GALNT13: variants seen among roughly 807,000 people sequenced by gnomAD.
The protein encoded by GALNT13 is UDP-GalNAc:polypeptide N-acetylgalactosaminyltransferase 13.
In GALNT13, 28 loss-of-function variants were observed where a neutral mutation model predicts 64.2. The ratio of observed to expected loss-of-function variants is 0.44; its 90% CI spans 0.32 to 0.60. The LOEUF (loss-of-function observed/expected upper bound fraction) is 0.60, where lower values mean the gene tolerates loss of function less well. Among genes scored for constraint, GALNT13 ranks in the 20% least tolerant of loss-of-function variants. The pLI is 0.05. For synonymous variants in GALNT13, 214 were observed against 224.6 expected, an observed-to-expected ratio of 0.95 and a Z score of 0.42; for missense variants, 577 against 669.8, an observed-to-expected ratio of 0.86 and a Z score of 1.53.
chr2:153,922,992 C>T (rs562885358), intron 2 of GALNT13, among the ~76,000 whole-genome samples: 3 of 152,066 alleles, frequency 2.0e-5, no homozygotes, highest in African/African-American at 4.8e-5. Context: ...CTCCGCCTCC[C>T]GGGTTCAAGC....
chr2:153,596,430 C>G, the GALNT13 span, among the ~76,000 whole-genome samples: 1 of 152,090 alleles, frequency 6.6e-6, no homozygotes, highest in East Asian at 1.9e-4. Flanking sequence ...AAAACACAAT[C>G]TATTACTCTT....
At chr2:154,305,565 T>A (rs986713598) in intron 9 of GALNT13, among the ~76,000 whole-genome samples, 1 of 152,244 alleles carries the variant, frequency 6.6e-6, no homozygotes, top group Non-Finnish European at 1.5e-5. Flanking sequence ...ACTTTTTACA[T>A]GTGGGCTTCT....
rs1013031201 is a variant in GALNT13 at position 154,363,004 on chromosome 2, C to T, written c.1157-32987C>T. On this transcript the variant is annotated intron_variant, in intron 9 of 12. Transcript: ENST00000392825. ...ACACAGCTTTTAAAGTTGCATTGTA[C>T]ACTGTTTTGCTTTCTCATTTACTTT... Among the ~76,000 whole-genome samples the T allele has an allele frequency of 5.5e-5, 6 of 108,524 alleles. No individual in the cohort carries two copies. In the Admixed American group the frequency reaches 5.6e-4, roughly 10 times the overall value. The allele number at this position is 108,524 out of a possible 152,430, so 71.2% of individuals were successfully genotyped here.
intron 9 of GALNT13, among the ~76,000 whole-genome samples, chr2:154,369,937 C>T (rs1330668948): frequency 2.6e-5 from 4 of 152,088 alleles, no homozygotes; most frequent in African/African-American, 7.2e-5. Flanking sequence ...TGAAAGATCA[C>T]CTTGGCTTTC....
intron 12 of GALNT13, among the ~76,000 whole-genome samples, chr2:154,448,078 C>G (rs1198155941): frequency 6.6e-6 from 1 of 152,024 alleles, no homozygotes; most frequent in Non-Finnish European, 1.5e-5. Context: ...TCAAAACCAT[C>G]CTGGCTTATT....
chr2:153,846,811 G>A, the GALNT13 span, among the ~76,000 whole-genome samples: 1 of 152,040 alleles, frequency 6.6e-6, no homozygotes, highest in Non-Finnish European at 1.5e-5. Context: ...GAAGACAATT[G>A]CATCTGCACC....
the GALNT13 span, among the ~76,000 whole-genome samples, chr2:153,133,100 C>T: frequency 1.4e-5 from 2 of 143,746 alleles, no homozygotes; most frequent in African/African-American, 5.2e-5. Flanking sequence ...TGTTTGGAAT[C>T]ACTGAAGGAT....
chr2:153,318,230 T>A, the GALNT13 span, among the ~76,000 whole-genome samples: 1 of 152,056 alleles, frequency 6.6e-6, no homozygotes, highest in African/African-American at 2.4e-5. Flanking sequence ...TGTTTTGGCT[T>A]GGAAATTCAG....
At chr2:153,772,396 T>C in the GALNT13 span, among the ~76,000 whole-genome samples, 1 of 152,184 alleles carries the variant, frequency 6.6e-6, no homozygotes, top group Non-Finnish European at 1.5e-5. Flanking sequence ...CTGGGTTGCA[T>C]GGAACCCTAG....
Position 153,929,674 on chromosome 2 carries a change from C to T in GALNT13, c.-104-14720C>T, listed in dbSNP as rs1200960832. Among the ~76,000 whole-genome samples the T allele has an allele frequency of 3.3e-5, 5 of 152,032 alleles. 1 individual carries two copies. Among genetic ancestry groups the T allele is most frequent in the South Asian group, 4.1e-4 (2 of 4,824 alleles). On this transcript the variant is annotated intron_variant, in intron 2 of 12. Transcript: ENST00000392825. ...TCCATCCATGTTGCTGCAAAAGACA[C>T]GGTTTCATTCTTTTTATGGCTGTAT...
At chr2:153,330,793 G>A in the GALNT13 span, among the ~76,000 whole-genome samples, 1 of 152,046 alleles carries the variant, frequency 6.6e-6, no homozygotes, top group Admixed American at 6.5e-5. Flanking sequence ...TGAATGCTCT[G>A]CCTAGCCCTT....
At chr2:154,070,199 T>C (rs1700670870) in intron 3 of GALNT13, among the ~76,000 whole-genome samples, 1 of 152,090 alleles carries the variant, frequency 6.6e-6, no homozygotes, top group Admixed American at 6.6e-5. Context: ...TATCACAAAG[T>C]AGAGTTCTTT....
At chr2:153,352,746 A>G in the GALNT13 span, among the ~76,000 whole-genome samples, 1 of 152,046 alleles carries the variant, frequency 6.6e-6, no homozygotes, top group Non-Finnish European at 1.5e-5. Flanking sequence ...TTACTCTGTC[A>G]AAGACCTGTT....
chr2:154,242,157 C>T lies in GALNT13; in HGVS notation c.439C>T (p.Leu147Phe), dbSNP rs1280593974. 1.2e-6 allele frequency: 2 copies of T among 1,612,400 alleles called. No individual in the cohort carries two copies. The highest frequency in any genetic ancestry group is 1.3e-5 in the African/African-American group (1 of 74,852). Residue 147 changes from leucine (L) to phenylalanine (F), a missense_variant, in exon 5 of 13, where the codon CTC (leucine) becomes TTC (phenylalanine). Around this residue, in one of 3 missense-constraint regions of GALNT13, gnomAD observed 341 missense variants for 379.3 expected, o/e 0.90. Transcript: ENST00000392825. ...GATAAATCGTTCCCCACACTATCTA[C>T]TCTCAGAGGTCATCTTGGTAGATGA... ...SVINRSPHYL[L>F]SEVILVDDAS...
the GALNT13 span, among the ~76,000 whole-genome samples, chr2:153,665,837 G>A: frequency 1.3e-5 from 2 of 152,152 alleles, no homozygotes; most frequent in African/African-American, 4.8e-5. Context: ...TTGGCAAGGA[G>A]AACTGCTTGG....
At chr2:154,375,059 T>TC (rs1198407209) in intron 9 of GALNT13, among the ~76,000 whole-genome samples, 1 of 152,182 alleles carries the variant, frequency 6.6e-6, no homozygotes, top group African/African-American at 2.4e-5. Flanking sequence ...CAATCTCGGC[T>TC]CACTGCAAGC....
the GALNT13 span, among the ~76,000 whole-genome samples, chr2:153,767,564 C>T: frequency 3.3e-5 from 5 of 152,238 alleles, no homozygotes; most frequent in South Asian, 2.1e-4. Flanking sequence ...TACATACCCA[C>T]GAACAGTATG....
chr2:154,215,979 TG>T (rs1167043238), intron 4 of GALNT13, among the ~76,000 whole-genome samples: 13 of 151,844 alleles, frequency 8.6e-5, no homozygotes, highest in Non-Finnish European at 1.8e-4. Context: ...AATATTTATA[TG>T]AAAAAAGATT....
At chr2:153,372,163 G>A in the GALNT13 span, among the ~76,000 whole-genome samples, 1 of 152,138 alleles carries the variant, frequency 6.6e-6, no homozygotes, top group African/African-American at 2.4e-5. Flanking sequence ...GAATTGGAGT[G>A]GGGAATGGGG....
Sources: gnomAD v4.1 joint callset for allele counts (sites outside exome capture counted in the v4.1 genomes callset) on GRCh38, gnomAD v4.1.1 for gene constraint, gnomAD v4.1.1 regional missense constraint, MANE v1.5 for transcripts, NCBI Gene and HGNC (gene_info 2026-07-23, HGNC 2026-07-21) for gene names.